MRPL15: variants seen among roughly 807,000 people sequenced by gnomAD.
The protein encoded by MRPL15 is large ribosomal subunit protein uL15m.
MRPL15 carries 24 observed loss-of-function variants against 28.0 expected under a neutral mutation model. The ratio of observed to expected loss-of-function variants is 0.86; its 90% CI spans 0.62 to 1.21. MRPL15 has a LOEUF of 1.21. MRPL15 is among the 50% of genes most tolerant of loss of function. MRPL15 has a pLI of 0.00. For synonymous variants in MRPL15, 124 were observed against 137.0 expected (o/e 0.90, Z 0.66); for missense variants, 343 against 372.4 (o/e 0.92, Z 0.65).
intron 3 of MRPL15, among the ~76,000 whole-genome samples, chr8:54,140,829 G>A (rs926040706): frequency 6.9e-6 from 1 of 145,712 alleles, no homozygotes; most frequent in Non-Finnish European, 1.5e-5. Flanking sequence ...TGATCCACCC[G>A]CCTTGGCCTC....
At chr8:54,137,129 C>A in intron 2 of MRPL15, 139 bp from the exon 3 acceptor site, 1 of 803,474 alleles carries the variant, frequency 1.2e-6, no homozygotes, top group Non-Finnish European at 2.0e-6. Context: ...AGCAGTATTA[C>A]ATGTTTGTGT....
intron 3 of MRPL15, among the ~76,000 whole-genome samples, chr8:54,137,671 C>CA (rs1810850176): frequency 6.6e-6 from 1 of 152,096 alleles, no homozygotes; most frequent in Non-Finnish European, 1.5e-5. Flanking sequence ...ACTATGTTGG[C>CA]CAGGCTGATC....
At chr8:54,137,544 C>T (rs1386901075) in intron 3 of MRPL15, 111 bp downstream of exon 3, 5 of 945,416 alleles carry the variant, frequency 5.3e-6, no homozygotes, top group African/African-American at 1.7e-5. Flanking sequence ...GCTCCTGCAA[C>T]CTCCACCTCA....
Position 54,135,292 on chromosome 8 carries a change from TC to T in MRPL15, c.12del (p.Leu5CysfsTer18). MAGPLQGGGARALD... is the reference protein window; with the variant it reads MAGXLQGGGARALD... ...TCTTGGATCTGCGGGTTATGGCCGG[TC>T]CCTTGCAGGGCGGTGGGGCCCGGGC... On this transcript the variant is annotated frameshift_variant, in exon 1 of 5. Transcript: ENST00000260102. LOFTEE classifies it high-confidence loss of function. 1 of 1,384,354 alleles carries T rather than the reference TC, an allele frequency of 7.2e-7. No individual in the cohort carries two copies. The highest frequency in any genetic ancestry group is 9.4e-7 in the Non-Finnish European group (1 of 1,060,950). 85.8% of individuals were successfully genotyped at this position (1,384,354 alleles called of 1,614,324 possible).
In MRPL15 at chr8:54,136,529, C is replaced by T. The variant is rs116167634; in HGVS notation, c.127C>T (p.Arg43Trp). 473 of 1,613,180 alleles carry T rather than the reference C, an allele frequency of 2.9e-4. 2 individuals are homozygous for T. In the African/African-American group the frequency reaches 5.0e-3, roughly 17 times the overall value. ...SKKPERRPRG[R>W]RRGRKCGRGH... is the part of the protein sequence containing the mutation. ...CTTGCAGGAGAGAAGACCAAGAGGT[C>T]GGAGAAGAGGTAGAAAATGTGGCAG... Residue 43 changes from arginine (R) to tryptophan (W), a missense_variant, in exon 2 of 5, where the codon CGG becomes TGG. Arg to Trp is a moderately radical substitution (Grantham distance 101). Coordinates refer to ENST00000260102, the MANE Select transcript of MRPL15 (RefSeq NM_014175.4).
At position 54,135,249 on chromosome 8, in the gene MRPL15, C is replaced by T. The variant is rs763710663; in HGVS notation, c.-35C>T. On this transcript the variant is annotated 5_prime_UTR_variant, in exon 1 of 5. Coordinates refer to ENST00000260102, the MANE Select transcript of MRPL15 (RefSeq NM_014175.4). ...GAGACCACGTGGCCTCCGAGCAGCT[C>T]AGGGCGCCCTTGAAAGTTCTTGGAT... The T allele has an allele frequency of 7.7e-7, 1 of 1,294,668 alleles. No individual in the cohort carries two copies. Among genetic ancestry groups the T allele is most frequent in the South Asian group, 2.3e-5 (1 of 42,714 alleles). 80.2% of individuals were successfully genotyped at this position (1,294,668 alleles called of 1,614,324 possible). A position where few individuals can be genotyped will look rare whatever the true frequency, so the allele number is the denominator to read the frequency against.
rs371797211 is a variant in MRPL15, at chr8:54,146,292, C to T, written c.554-1090C>T. Among the ~76,000 whole-genome samples the T allele has an allele frequency of 4.6e-5, 7 of 152,228 alleles. No individual in the cohort carries two copies. The East Asian group carries it at 1.2e-3, about 25-fold the overall frequency. ...CAAAACCCCATCTCTACTAAAAATA[C>T]AAAAATTAGCTGAGCATGGTGGTGC... On this transcript the variant is annotated intron_variant, in intron 4 of 4. Coordinates refer to ENST00000260102, the MANE Select transcript of MRPL15 (RefSeq NM_014175.4).
chr8:54,141,992 C>T (rs907375570), intron 3 of MRPL15, among the ~76,000 whole-genome samples: 1 of 151,146 alleles, frequency 6.6e-6, no homozygotes, highest in Non-Finnish European at 1.5e-5. Flanking sequence ...GCTGGGATTA[C>T]TGGTGCCTGC....
chr8:54,147,723 C>G lies in MRPL15; in HGVS notation c.*4C>G. 6.3e-7 allele frequency: 1 copy of G among 1,597,736 alleles called. No individual in the cohort carries two copies. Among genetic ancestry groups the G allele is most frequent in the Non-Finnish European group, 8.5e-7 (1 of 1,171,178 alleles). On this transcript the variant is annotated 3_prime_UTR_variant, in exon 5 of 5. Transcript: ENST00000260102. ...CCTTAAGTATTATACCTCATGAATT[C>G]CCGTCCAAGGAAGCAGAGTTGTTAA...
intron 3 of MRPL15, among the ~76,000 whole-genome samples, chr8:54,140,208 C>T (rs1159448608): frequency 1.3e-5 from 2 of 152,082 alleles, no homozygotes; most frequent in African/African-American, 4.8e-5. Flanking sequence ...CTGACTGTGA[C>T]CAAAAATTTA....
In MRPL15 at chr8:54,141,082, CCT is replaced by C. The variant is rs549499621; in HGVS notation, c.430-1580_430-1579del. 6.0e-3 allele frequency among the ~76,000 whole-genome samples: 918 copies of C among 152,250 alleles called. 3 individuals carry two copies. Among genetic ancestry groups the C allele is most frequent in the Non-Finnish European group, 9.9e-3 (670 of 68,016 alleles). On this transcript the variant is annotated intron_variant, in intron 3 of 4. Transcript: ENST00000260102. ...CCACCTGCTCCAGCCTGCATATTCCCCTGTTTAACCTCCTGCTGGCCTCTTGC... is the reference window on the plus strand; with the variant it reads ...CCACCTGCTCCAGCCTGCATATTCCCGTTTAACCTCCTGCTGGCCTCTTGC...
At chr8:54,144,952 T>TA (rs1397035662) in intron 4 of MRPL15, among the ~76,000 whole-genome samples, 1 of 152,106 alleles carries the variant, frequency 6.6e-6, no homozygotes, top group African/African-American at 2.4e-5. Flanking sequence ...ACTTTGGTGT[T>TA]AGTGTGTTTT....
At chr8:54,136,354 T>C (rs966016137) in intron 1 of MRPL15, among the ~76,000 whole-genome samples, 157 bp from the exon 2 acceptor site, 4 of 152,194 alleles carry the variant, frequency 2.6e-5, no homozygotes, top group African/African-American at 9.7e-5. Flanking sequence ...GCTAACAGAG[T>C]GTGTGGAGCT....
At chr8:54,146,352 CAGG>C (rs1463165922) in intron 4 of MRPL15, among the ~76,000 whole-genome samples, 1 of 151,240 alleles carries the variant, frequency 6.6e-6, no homozygotes, top group Non-Finnish European at 1.5e-5. Context: ...GAGGTTGAGG[CAGG>C]AGAATCACTT....
At chr8:54,136,349 C>G (rs1019575859) in intron 1 of MRPL15, among the ~76,000 whole-genome samples, 162 bp from the exon 2 acceptor site, 1 of 152,202 alleles carries the variant, frequency 6.6e-6, no homozygotes, top group South Asian at 2.1e-4. Context: ...AAGATGCTAA[C>G]AGAGTGTGTG....
At chr8:54,135,414 G>T in intron 1 of MRPL15, 23 bp downstream of exon 1, 1 of 1,519,424 alleles carries the variant, frequency 6.6e-7, no homozygotes, top group Non-Finnish European at 8.8e-7. Context: ...TGGCGGTGCG[G>T]GGAAGCGCTG....
At position 54,135,429 on chromosome 8, in the gene MRPL15, C is replaced by T. The variant is rs970938650; in HGVS notation, c.108+38C>T. 7.3e-6 allele frequency: 11 copies of T among 1,498,190 alleles called. No individual in the cohort carries two copies. The South Asian group carries it at 1.1e-4, about 15-fold the overall frequency. The allele number at this position is 1,498,190 out of a possible 1,614,324, so 92.8% of individuals were successfully genotyped here. A position where few individuals can be genotyped will look rare whatever the true frequency, so the allele number is the denominator to read the frequency against. On this transcript the variant is annotated intron_variant, in intron 1 of 4. Coordinates refer to ENST00000260102, the MANE Select transcript of MRPL15 (RefSeq NM_014175.4). ...TGGCGGTGCGGGGAAGCGCTGGGGA[C>T]CCGGGCGATGAAAGCGGCCCTTCTC...
chr8:54,138,155 C>T (rs1045094533), intron 3 of MRPL15, among the ~76,000 whole-genome samples: 3 of 151,288 alleles, frequency 2.0e-5, no homozygotes, highest in Non-Finnish European at 4.4e-5. Context: ...GGAGTTTCGC[C>T]ATATTGGCCA....
intron 3 of MRPL15, 25 bp downstream of exon 3, chr8:54,137,458 T>A: frequency 6.2e-7 from 1 of 1,609,064 alleles, no homozygotes; most frequent in Non-Finnish European, 8.5e-7. Flanking sequence ...GATCTTTTGG[T>A]GTTATATAGG....
Sources: gnomAD v4.1 joint callset for allele counts (sites outside exome capture counted in the v4.1 genomes callset) on GRCh38, gnomAD v4.1.1 for gene constraint, MANE v1.5 for transcripts, NCBI Gene and HGNC (gene_info 2026-07-23, HGNC 2026-07-21) for gene names.